Variants in CLPTM1L observed in about 807,000 individuals in gnomAD.
The protein encoded by CLPTM1L is CLPTM1 like.
In CLPTM1L, 38 loss-of-function variants were observed where a neutral mutation model predicts 70.9. The observed-to-expected ratio is 0.54, with a 90% CI of 0.41 to 0.70. The LOEUF is 0.70. CLPTM1L is among the 30% of genes least tolerant of loss of function. The pLI is 0.00. For missense variants in CLPTM1L, 652 were observed against 705.9 expected, an observed-to-expected ratio of 0.92 and a Z score of 0.87; for synonymous variants, 339 against 299.9, an observed-to-expected ratio of 1.13 and a Z score of -1.35.
intron 7 of CLPTM1L, among the ~76,000 whole-genome samples, chr5:1,333,192 G>A (rs1753250302): frequency 1.1e-4 from 6 of 54,888 alleles, no homozygotes; most frequent in Admixed American, 9.5e-4. Flanking sequence ...CACACCGGAT[G>A]AGGATAAGGG....
intron 9 of CLPTM1L, among the ~76,000 whole-genome samples, chr5:1,330,077 C>T (rs891825338): frequency 2.0e-5 from 3 of 152,222 alleles, no homozygotes; most frequent in South Asian, 2.1e-4. Context: ...TGATACCACC[C>T]GAACACGCAT....
At chr5:1,335,232 G>C (rs2111243177) in intron 5 of CLPTM1L, 58 bp from the exon 6 acceptor site, 1 of 1,426,768 alleles carries the variant, frequency 7.0e-7, no homozygotes, top group East Asian at 2.3e-5. Flanking sequence ...CCAGCTGCCT[G>C]GCAGCCCTCG....
chr5:1,321,608 G>T, intron 15 of CLPTM1L, 27 bp downstream of exon 15: 1 of 1,606,074 alleles, frequency 6.2e-7, no homozygotes. Flanking sequence ...CAGTGAGAAG[G>T]GATTCCTCAC....
In CLPTM1L at chr5:1,330,289, G is replaced by A. The variant is rs768025062; in HGVS notation, c.1071C>T (p.Ala357=). 8.7e-6 allele frequency: 14 copies of A among 1,612,442 alleles called. No homozygotes were observed. Among genetic ancestry groups the A allele is most frequent in the Middle Eastern group, 1.6e-4 (1 of 6,084 alleles). ...ACTGCCCGGAACTCACCTCAATGGC[G>A]GCTCCAACACCCGCCGGGACCAGCA... ...LLVLVPAGVG[A]AIELWKVKKA... Residue 357 remains alanine (A), a synonymous_variant, in exon 9 of 17, where the codon GCC becomes GCT. Coordinates refer to ENST00000320895, the MANE Select transcript of CLPTM1L (RefSeq NM_030782.5).
chr5:1,319,033 G>A (rs543426395), intron 16 of CLPTM1L, among the ~76,000 whole-genome samples: 7 of 152,266 alleles, frequency 4.6e-5, no homozygotes, highest in Admixed American at 3.3e-4. Flanking sequence ...GCCAAACACC[G>A]TTTGCAGGTC....
chr5:1,343,964 CTT>C (rs1395919885), intron 2 of CLPTM1L, among the ~76,000 whole-genome samples: 1 of 152,250 alleles, frequency 6.6e-6, no homozygotes, highest in African/African-American at 2.4e-5. Flanking sequence ...ATCCTCATCT[CTT>C]TTCCCTCACA....
intron 2 of CLPTM1L, 68 bp from the exon 3 acceptor site, chr5:1,341,928 C>G (rs1411203739): frequency 1.5e-6 from 2 of 1,290,736 alleles, no homozygotes; most frequent in Non-Finnish European, 2.1e-6. Context: ...TATTCAAATA[C>G]CTTTATAAAG....
At chr5:1,321,499 C>G (rs1263241336) in intron 15 of CLPTM1L, 136 bp downstream of exon 15, 1 of 774,736 alleles carries the variant, frequency 1.3e-6, no homozygotes, top group Non-Finnish European at 2.2e-6. Flanking sequence ...GGAGCCTCCT[C>G]AATATTCTTC....
intron 9 of CLPTM1L, among the ~76,000 whole-genome samples, chr5:1,329,365 G>A (rs1015989018): frequency 3.3e-5 from 5 of 152,266 alleles, no homozygotes; most frequent in African/African-American, 1.2e-4. Context: ...CTTTGCACAT[G>A]GTGGGATTTC....
At position 1,330,334 on chromosome 5, in the gene CLPTM1L, G is replaced by C. The variant is rs754877229; in HGVS notation, c.1026C>G (p.Asp342Glu). ...STVVIFLFLL[D>E]EQTSLLVLVP... The stretch of plus-strand genomic sequence containing the variant: ...CCAGCACCAGCAGGCTCGTCTGCTC[G>C]TCCAGCAGGAACAGAAAGATGACCA... The change falls in exon 9 of 17, where the codon GAC (aspartate) becomes GAG (glutamate). Residue 342 changes from aspartate (D) to glutamate (E), a missense_variant. Physicochemically the swap from Asp to Glu is conservative, Grantham distance 45. Around this residue, in one of 3 missense-constraint regions of CLPTM1L, gnomAD observed 240 missense variants for 295.0 expected, o/e 0.81. Transcript: ENST00000320895. 1 of 1,612,674 alleles carries C rather than the reference G, an allele frequency of 6.2e-7. No individual in the cohort carries two copies. Among genetic ancestry groups the C allele is most frequent in the African/African-American group, 1.3e-5 (1 of 74,926 alleles).
chr5:1,330,228 T>G (rs1231764105), intron 9 of CLPTM1L, 52 bp downstream of exon 9: 1 of 1,458,578 alleles, frequency 6.9e-7, no homozygotes, highest in African/African-American at 1.4e-5. Context: ...CTTTCCTGAG[T>G]GCGTGGAGGC....
intron 7 of CLPTM1L, chr5:1,332,148 A>G (rs1356916918): frequency 2.1e-6 from 1 of 475,548 alleles, no homozygotes; most frequent in Non-Finnish European, 3.8e-6. Context: ...GCCCCCAGGC[A>G]ATTGGAGGCT....
At chr5:1,333,187 C>T (rs7379718) in intron 7 of CLPTM1L, among the ~76,000 whole-genome samples, 7 of 20,770 alleles carry the variant, frequency 3.4e-4, no homozygotes, top group African/African-American at 1.8e-3. Context: ...GTATACACAC[C>T]GGATGAGGAT....
At chr5:1,337,602 G>A (rs978463050) in intron 5 of CLPTM1L, among the ~76,000 whole-genome samples, 1 of 152,230 alleles carries the variant, frequency 6.6e-6, no homozygotes, top group Non-Finnish European at 1.5e-5. Context: ...CGGTGCTCAT[G>A]TGCCTGCTCT....
chr5:1,318,602 C>A lies in CLPTM1L; in HGVS notation c.1533-149G>T. 1 of 663,834 alleles carries A rather than the reference C, an allele frequency of 1.5e-6. No homozygotes were observed. Among genetic ancestry groups the A allele is most frequent in the Non-Finnish European group, 2.6e-6 (1 of 379,606 alleles). 41.1% of individuals were successfully genotyped at this position (663,834 alleles called of 1,614,324 possible). A position where few individuals can be genotyped will look rare whatever the true frequency, so the allele number is the denominator to read the frequency against. ...GTCGAATCCTCAGAAGTTTTACTGC[C>A]GAGGGCTGAGGAGGGATTTCTGAGT... is the stretch of plus-strand genomic sequence containing the variant. On this transcript the variant is annotated intron_variant, in intron 16 of 16. Coordinates refer to ENST00000320895, the MANE Select transcript of CLPTM1L (RefSeq NM_030782.5). The surrounding 1 kb of genome is among the most constrained non-coding windows in gnomAD (Gnocchi z 8.9).
chr5:1,338,020 G>C (rs376307293), intron 4 of CLPTM1L, 38 bp from the exon 5 acceptor site: 2 of 1,527,666 alleles, frequency 1.3e-6, no homozygotes, highest in African/African-American at 1.4e-5. Context: ...TCAGCACCAA[G>C]GCTTTTACCT....
chr5:1,330,731 G>T, intron 8 of CLPTM1L: 1 of 246,872 alleles, frequency 4.1e-6, no homozygotes, highest in African/African-American at 2.2e-5. Flanking sequence ...TAAGTGCGTG[G>T]CTTTTCAAGT....
intron 13 of CLPTM1L, among the ~76,000 whole-genome samples, chr5:1,322,416 G>A (rs1283750977): frequency 2.0e-5 from 3 of 152,234 alleles, no homozygotes; most frequent in Non-Finnish European, 4.4e-5. Context: ...GCATCTGCAG[G>A]AGGGGGCGCG....
intron 15 of CLPTM1L, 35 bp from the exon 16 acceptor site, chr5:1,320,766 T>C: frequency 7.9e-7 from 1 of 1,261,808 alleles, no homozygotes; most frequent in Non-Finnish European, 1.1e-6. Flanking sequence ...TGAACCCCAG[T>C]TGCTGGGGCT....
Sources: allele counts gnomAD v4.1 joint callset (sites outside exome capture counted in the v4.1 genomes callset), GRCh38; gene constraint gnomAD v4.1.1; regional missense constraint gnomAD v4.1.1; non-coding constraint Gnocchi (gnomAD v3.1); transcripts MANE v1.5; gene names NCBI Gene and HGNC (gene_info 2026-07-23, HGNC 2026-07-21).